Variants in RELN observed in about 807,000 individuals in gnomAD.
The protein encoded by RELN is reelin.
Under a neutral mutation model 427.6 loss-of-function variants are expected in RELN, and 108 were observed. The observed-to-expected ratio is 0.25, with a 90% CI of 0.22 to 0.30. The LOEUF is 0.30. RELN is among the 10% of genes least tolerant of loss of function. The pLI is 1.00. For synonymous variants in RELN, 1,524 were observed against 1,513.4 expected (o/e 1.01, Z -0.16); for missense variants, 3,715 against 4,302.8 (o/e 0.86, Z 3.82).
rs2116860865 is a variant in RELN, at chr7:103,989,363, G to GCCGCCA, written c.-8_-7insTGGCGG. On this transcript the variant is annotated 5_prime_UTR_variant, in exon 1 of 65. Transcript: ENST00000428762. This position sits in a 1 kb window ranked among gnomAD's most constrained non-coding sequence, Gnocchi z 4.9. ...CCCAGCCACTGCGCTCCATGCCGCC[G>GCCGCCA]CCGCCGCCGCCGCCGCCGCGCGCCC... The GCCGCCA allele has an allele frequency of 1.4e-6, 2 of 1,414,798 alleles. No homozygotes were observed. The highest frequency in any genetic ancestry group is 1.8e-6 in the Non-Finnish European group (2 of 1,084,854). 87.6% of individuals were successfully genotyped at this position (1,414,798 alleles called of 1,614,324 possible). A position where few individuals can be genotyped will look rare whatever the true frequency, so the allele number is the denominator to read the frequency against.
intron 6 of RELN, among the ~76,000 whole-genome samples, chr7:103,743,248 A>C (rs550304607): frequency 2.0e-4 from 31 of 152,346 alleles, no homozygotes; most frequent in African/African-American, 7.5e-4. Context: ...GACCTAAAAG[A>C]GTTCCTGAAG....
chr7:103,858,899 A>G (rs1053257431), intron 2 of RELN, among the ~76,000 whole-genome samples: 6 of 152,174 alleles, frequency 3.9e-5, no homozygotes, highest in Non-Finnish European at 8.8e-5. Flanking sequence ...CAACAACAAA[A>G]AACTCCTGTA....
chr7:103,924,000 G>C (rs533002238), intron 1 of RELN, among the ~76,000 whole-genome samples: 1 of 152,252 alleles, frequency 6.6e-6, no homozygotes, highest in Admixed American at 6.5e-5. Flanking sequence ...AAACAAAGAG[G>C]GGAGGGCTAA....
intron 22 of RELN, among the ~76,000 whole-genome samples, chr7:103,607,003 C>T (rs1831835743): frequency 6.7e-6 from 1 of 148,584 alleles, no homozygotes; most frequent in Non-Finnish European, 1.5e-5. Flanking sequence ...CTACAAAGGA[C>T]ACGAACTCAT....
intron 4 of RELN, among the ~76,000 whole-genome samples, chr7:103,773,126 TTC>T (rs10533760): frequency 3.7e-4 from 35 of 94,142 alleles, no homozygotes; most frequent in East Asian, 1.3e-3. Flanking sequence ...CTTTCTTTCT[TTC>T]TTTCTTTCTT....
intron 3 of RELN, among the ~76,000 whole-genome samples, chr7:103,802,258 G>C (rs573227714): frequency 7.4e-4 from 112 of 152,138 alleles, no homozygotes; most frequent in African/African-American, 2.5e-3. Context: ...GAGGGAAAAA[G>C]AAAAATGATC....
intron 55 of RELN, among the ~76,000 whole-genome samples, chr7:103,497,026 T>C (rs986101575): frequency 1.3e-5 from 2 of 152,198 alleles, no homozygotes; most frequent in African/African-American, 4.8e-5. Context: ...ATGTTTTGCT[T>C]TTAAAATTTA....
rs773262947 is a variant in RELN, at chr7:103,640,628, G to A, written c.2003-19C>T. The A allele has an allele frequency of 1.2e-6, 2 of 1,612,752 alleles. No individual in the cohort carries two copies. The highest frequency in any genetic ancestry group is 2.7e-5 in the African/African-American group (2 of 74,886). ...ATATAAACTGTGGGAGGGAAAAAGA[G>A]AACATAATTACAAAAACATAGAACA... is the stretch of plus-strand genomic sequence containing the variant. On this transcript the variant is annotated intron_variant, in intron 16 of 64. Coordinates refer to ENST00000428762, the MANE Select transcript of RELN (RefSeq NM_005045.4). This position sits in a 1 kb window ranked among gnomAD's most constrained non-coding sequence, Gnocchi z 4.1.
intron 11 of RELN, among the ~76,000 whole-genome samples, chr7:103,674,895 T>C (rs1833479801): frequency 6.6e-6 from 1 of 152,132 alleles, no homozygotes; most frequent in African/African-American, 2.4e-5. Flanking sequence ...CTCAAAATAA[T>C]AAGATCTATT....
In RELN at chr7:103,593,809, C is replaced by T. The variant is rs757368393; in HGVS notation, c.3785G>A (p.Gly1262Glu). ...MSVWLMLANE[G>E]MVKNETFCAA... is the part of the protein sequence containing the mutation. The stretch of plus-strand genomic sequence containing the variant: ...ACAGAAGGTTTCATTTTTAACCATT[C>T]CTTCATTAGCCAACATCAACCACAC... The change falls in exon 27 of 65, where the codon GGA becomes GAA. Residue 1262 changes from glycine to glutamate, a missense_variant. Gly to Glu is a moderately conservative substitution (Grantham distance 98, BLOSUM62 -2). Coordinates refer to ENST00000428762, the MANE Select transcript of RELN (RefSeq NM_005045.4). 14 of 1,613,780 alleles carry T rather than the reference C, an allele frequency of 8.7e-6. No homozygotes were observed. In the South Asian group the frequency reaches 1.1e-4, roughly 13 times the overall value.
At chr7:103,785,639 T>A (rs1330442711) in intron 3 of RELN, among the ~76,000 whole-genome samples, 1 of 152,116 alleles carries the variant, frequency 6.6e-6, no homozygotes, top group Non-Finnish European at 1.5e-5. Flanking sequence ...AGATCTGGAA[T>A]CAGAAGATGT....
Position 103,620,763 on chromosome 7 carries a change from C to T in RELN, c.2703-8960G>A, listed in dbSNP as rs566709133. Reference sequence around the variant, plus strand: ...TGCTGGGATTACAGGTGTGAGCCACCGCGCCTGGCCTAACCTGATCCACAT... The same window carrying T: ...TGCTGGGATTACAGGTGTGAGCCACTGCGCCTGGCCTAACCTGATCCACAT... On this transcript the variant is annotated intron_variant, in intron 20 of 64. Transcript: ENST00000428762. The surrounding 1 kb of genome is among the most constrained non-coding windows in gnomAD (Gnocchi z 4.1). 3.9e-5 allele frequency among the ~76,000 whole-genome samples: 6 copies of T among 152,120 alleles called. No individual in the cohort carries two copies. Among genetic ancestry groups the T allele is most frequent in the African/African-American group, 1.2e-4 (5 of 41,426 alleles).
chr7:103,770,284 C>A (rs1432154646), intron 4 of RELN, among the ~76,000 whole-genome samples: 1 of 152,190 alleles, frequency 6.6e-6, no homozygotes, highest in Non-Finnish European at 1.5e-5. Context: ...TGGGGTTTCA[C>A]TGTATTAGCC....
chr7:103,568,375 T>C (rs967488865), intron 31 of RELN, among the ~76,000 whole-genome samples: 2 of 152,158 alleles, frequency 1.3e-5, no homozygotes, highest in Non-Finnish European at 2.9e-5. Context: ...ACCTACTGTA[T>C]TTAAAATAAA....
intron 3 of RELN, among the ~76,000 whole-genome samples, chr7:103,785,947 T>C (rs1479716379): frequency 3.3e-5 from 5 of 152,028 alleles, no homozygotes; most frequent in Non-Finnish European, 5.9e-5. Flanking sequence ...ACTCCATTTT[T>C]TTTTTTGACT....
chr7:103,818,852 C>T (rs1005763039), intron 3 of RELN, among the ~76,000 whole-genome samples: 2 of 150,872 alleles, frequency 1.3e-5, no homozygotes, highest in East Asian at 1.9e-4. Flanking sequence ...TATAATAGAA[C>T]CCCAAGTTTG....
At position 103,589,741 on chromosome 7, in the gene RELN, C is replaced by T; in HGVS notation, c.4000G>A (p.Val1334Met). Reference protein sequence around the residue: ...SHDAGMSWFLVKEGCYPASAG... With the variant: ...SHDAGMSWFLMKEGCYPASAG... Reference sequence around the variant, plus strand: ...GAAGCCGGGTAACAGCCTTCTTTCACCAGAAACCAGGACATACCAGCATCA... The same window carrying T: ...GAAGCCGGGTAACAGCCTTCTTTCATCAGAAACCAGGACATACCAGCATCA... Residue 1334 changes from valine to methionine, a missense_variant, in exon 28 of 65, where the codon GTG becomes ATG. Physicochemically the swap from Val to Met is conservative, Grantham distance 21 (BLOSUM62 1). Coordinates refer to ENST00000428762, the MANE Select transcript of RELN (RefSeq NM_005045.4). 6.2e-7 allele frequency: 1 copy of T among 1,613,782 alleles called. No individual in the cohort carries two copies. Among genetic ancestry groups the T allele is most frequent in the Non-Finnish European group, 8.5e-7 (1 of 1,179,686 alleles).
chr7:103,705,193 A>G (rs1430649195), intron 8 of RELN, among the ~76,000 whole-genome samples: 1 of 152,190 alleles, frequency 6.6e-6, no homozygotes, highest in Non-Finnish European at 1.5e-5. Context: ...TGATTAGATC[A>G]GCCAATTAAC....
chr7:103,900,174 C>T (rs192833238), intron 2 of RELN, among the ~76,000 whole-genome samples: 86 of 152,226 alleles, frequency 5.6e-4, no homozygotes, highest in African/African-American at 2.1e-3. Context: ...AAAGCCAAAC[C>T]ATGAGTGAAC....
Sources: allele counts gnomAD v4.1 joint callset (sites outside exome capture counted in the v4.1 genomes callset), GRCh38; gene constraint gnomAD v4.1.1; non-coding constraint Gnocchi (gnomAD v3.1); transcripts MANE v1.5; gene names NCBI Gene and HGNC (gene_info 2026-07-23, HGNC 2026-07-21).